Variants in GPR39 observed in about 807,000 individuals in gnomAD.
GPR39 encodes the protein G protein-coupled receptor 39.
In GPR39, 23 loss-of-function variants were observed where a neutral mutation model predicts 18.4. The observed-to-expected ratio is 1.25, with a 90% CI of 0.90 to 1.77. The LOEUF (loss-of-function observed/expected upper bound fraction) is 1.77, where lower values mean the gene tolerates loss of function less well. Ranked by LOEUF, GPR39 falls within the 40% of genes most tolerant of loss-of-function variation. The pLI is 0.00. For missense variants in GPR39, 647 were observed against 602.4 expected (o/e 1.07, Z -0.78); for synonymous variants, 280 against 257.9 (o/e 1.09, Z -0.82).
chr2:132,644,558 T>C (rs956803419), intron 1 of GPR39, among the ~76,000 whole-genome samples: 1 of 152,264 alleles, frequency 6.6e-6, no homozygotes, highest in African/African-American at 2.4e-5. Context: ...TTCCTGACTT[T>C]GCTTCCCCTG....
At chr2:132,605,521 T>C (rs1053029311) in intron 1 of GPR39, among the ~76,000 whole-genome samples, 1 of 152,204 alleles carries the variant, frequency 6.6e-6, no homozygotes, top group Non-Finnish European at 1.5e-5. Context: ...GCTCACTTTC[T>C]CTCTGTTCCT....
intron 1 of GPR39, among the ~76,000 whole-genome samples, chr2:132,424,667 C>T (rs138394334): frequency 6.6e-6 from 1 of 152,272 alleles, no homozygotes; most frequent in East Asian, 1.9e-4. Flanking sequence ...CCTTGGAAGC[C>T]ATTGCAGGGT....
intron 1 of GPR39, among the ~76,000 whole-genome samples, chr2:132,420,767 T>C (rs1207679769): frequency 1.3e-5 from 2 of 152,192 alleles, no homozygotes; most frequent in African/African-American, 4.8e-5. Flanking sequence ...GTAAAAAATA[T>C]TAATTTTCCT....
At chr2:132,564,815 T>C (rs984265191) in intron 1 of GPR39, among the ~76,000 whole-genome samples, 63 of 129,610 alleles carry the variant, frequency 4.9e-4, no homozygotes, top group African/African-American at 1.5e-3. Flanking sequence ...TTTTTCTTTT[T>C]TTTTTTTTTT....
At chr2:132,606,922 C>G (rs189485623) in intron 1 of GPR39, among the ~76,000 whole-genome samples, 2 of 152,124 alleles carry the variant, frequency 1.3e-5, no homozygotes, top group East Asian at 3.9e-4. Flanking sequence ...GAAGTAGGCT[C>G]CAAAAGCAGA....
At chr2:132,468,473 G>T (rs1048202984) in intron 1 of GPR39, among the ~76,000 whole-genome samples, 1 of 152,164 alleles carries the variant, frequency 6.6e-6, no homozygotes, top group African/African-American at 2.4e-5. Context: ...GTACATTGTG[G>T]ACAGGCACAC....
chr2:132,589,124 C>G (rs1680781788), intron 1 of GPR39, among the ~76,000 whole-genome samples: 1 of 152,234 alleles, frequency 6.6e-6, no homozygotes, highest in Non-Finnish European at 1.5e-5. Flanking sequence ...AGCTTTTTCA[C>G]TGTTCCAAGA....
intron 1 of GPR39, among the ~76,000 whole-genome samples, chr2:132,569,699 G>T (rs1040586762): frequency 1.3e-5 from 2 of 152,026 alleles, no homozygotes; most frequent in African/African-American, 4.8e-5. Flanking sequence ...GGCTCTGTGT[G>T]CCTACCCAAA....
intron 1 of GPR39, among the ~76,000 whole-genome samples, chr2:132,596,061 C>T (rs1680940064): frequency 6.6e-6 from 1 of 152,182 alleles, no homozygotes; most frequent in South Asian, 2.1e-4. Flanking sequence ...GCTCTCCAAG[C>T]TGGCCTGCAC....
At chr2:132,538,169 T>G (rs978470782) in intron 1 of GPR39, among the ~76,000 whole-genome samples, 1 of 152,230 alleles carries the variant, frequency 6.6e-6, no homozygotes, top group African/African-American at 2.4e-5. Context: ...TGATTTTTCC[T>G]CATCATCATG....
intron 1 of GPR39, among the ~76,000 whole-genome samples, chr2:132,637,311 C>G (rs972798721): frequency 6.6e-6 from 1 of 152,232 alleles, no homozygotes; most frequent in African/African-American, 2.4e-5. Context: ...AATGAAATAG[C>G]TGTAATGCTT....
At chr2:132,565,851 C>T (rs1680341989) in intron 1 of GPR39, among the ~76,000 whole-genome samples, 1 of 151,036 alleles carries the variant, frequency 6.6e-6, no homozygotes, top group Non-Finnish European at 1.5e-5. Context: ...AATAATGCTG[C>T]AATAAACATA....
intron 1 of GPR39, among the ~76,000 whole-genome samples, chr2:132,504,115 T>A (rs1304720818): frequency 1.3e-5 from 2 of 152,192 alleles, no homozygotes; most frequent in African/African-American, 4.8e-5. Context: ...GTGGATTCTC[T>A]CAGCTTTCCT....
intron 1 of GPR39, among the ~76,000 whole-genome samples, chr2:132,429,659 C>A (rs1345067159): frequency 1.3e-5 from 2 of 152,160 alleles, no homozygotes; most frequent in African/African-American, 4.8e-5. Flanking sequence ...TGTAAAGGAG[C>A]CTTTAGAGAG....
chr2:132,477,664 T>A (rs1321714387), intron 1 of GPR39, among the ~76,000 whole-genome samples: 1 of 152,216 alleles, frequency 6.6e-6, no homozygotes, highest in Non-Finnish European at 1.5e-5. Flanking sequence ...ATCCATTCAC[T>A]TATGTGTCAT....
chr2:132,544,303 GT>G (rs1679905830), intron 1 of GPR39, among the ~76,000 whole-genome samples: 1 of 152,154 alleles, frequency 6.6e-6, no homozygotes, highest in South Asian at 2.1e-4. Flanking sequence ...GGGACTCAAG[GT>G]TTTTCTTTAT....
chr2:132,614,202 T>C (rs1230000492), intron 1 of GPR39, among the ~76,000 whole-genome samples: 1 of 151,946 alleles, frequency 6.6e-6, no homozygotes, highest in African/African-American at 2.4e-5. Flanking sequence ...TTGTTTTGTT[T>C]TGTTTTTGTT....
intron 1 of GPR39, among the ~76,000 whole-genome samples, chr2:132,551,063 T>C (rs4325814): frequency 0.48 from 72,187 of 151,900 alleles, 17,753 homozygotes; most frequent in East Asian, 0.86. Context: ...ACCACAGCTG[T>C]TTGAAAGAAT....
intron 1 of GPR39, among the ~76,000 whole-genome samples, chr2:132,493,082 T>TAC (rs1315818224): frequency 7.0e-6 from 1 of 142,632 alleles, no homozygotes; most frequent in African/African-American, 2.6e-5. Flanking sequence ...ACCACATATA[T>TAC]ACCATATATA....
Sources: gnomAD v4.1 joint callset for allele counts (sites outside exome capture counted in the v4.1 genomes callset) on GRCh38, gnomAD v4.1.1 for gene constraint, MANE v1.5 for transcripts, NCBI Gene and HGNC (gene_info 2026-07-23, HGNC 2026-07-21) for gene names.